LIPH: variants seen among roughly 807,000 people sequenced by gnomAD.
LIPH encodes lipase member H.
In LIPH, 32 loss-of-function variants were observed where a neutral mutation model predicts 47.6. The ratio of observed to expected loss-of-function variants is 0.67; its 90% CI spans 0.51 to 0.90. LIPH has a LOEUF of 0.90. Among genes scored for constraint, LIPH ranks in the 40% least tolerant of loss-of-function variants. LIPH has a pLI of 0.00. For synonymous variants in LIPH, 190 were observed against 195.6 expected, an observed-to-expected ratio of 0.97 and a Z score of 0.24; for missense variants, 497 against 541.4, an observed-to-expected ratio of 0.92 and a Z score of 0.81.
intron 1 of LIPH, among the ~76,000 whole-genome samples, chr3:185,549,811 C>T (rs955179727): frequency 1.3e-5 from 2 of 152,114 alleles, no homozygotes; most frequent in Non-Finnish European, 2.9e-5. Context: ...CCTCCCACCT[C>T]GGCCTCCCCA....
At chr3:185,528,088 G>A (rs1469807484) in intron 3 of LIPH, among the ~76,000 whole-genome samples, 2 of 151,772 alleles carry the variant, frequency 1.3e-5, no homozygotes, top group Non-Finnish European at 2.9e-5. Flanking sequence ...GCTGGACGTG[G>A]TGGTGTGTGC....
At chr3:185,540,587 G>T (rs553975966) in intron 1 of LIPH, among the ~76,000 whole-genome samples, 1 of 151,930 alleles carries the variant, frequency 6.6e-6, no homozygotes, top group African/African-American at 2.4e-5. Flanking sequence ...GCATGGTGGC[G>T]TGCGCCTGTA....
chr3:185,529,905 GA>G (rs1281342189), intron 3 of LIPH, among the ~76,000 whole-genome samples: 4 of 118,418 alleles, frequency 3.4e-5, no homozygotes, highest in South Asian at 2.6e-4. Context: ...AAGAGAGAAA[GA>G]AAAGAAAGAA....
intron 5 of LIPH, among the ~76,000 whole-genome samples, chr3:185,522,650 AAAAGAAAGAAAG>A (rs59353669): frequency 0.054 from 7,668 of 141,904 alleles, 293 homozygotes; most frequent in Middle Eastern, 0.12. Flanking sequence ...GAGAGAAAGA[AAAAGAAAGAAAG>A]AAAGAAAGAA....
intron 6 of LIPH, among the ~76,000 whole-genome samples, chr3:185,517,634 C>T (rs1375555849): frequency 6.6e-6 from 1 of 152,070 alleles, no homozygotes; most frequent in Non-Finnish European, 1.5e-5. Flanking sequence ...GGTGAGTGTC[C>T]TCCTTTGTTT....
chr3:185,519,383 C>T, intron 5 of LIPH, 74 bp from the exon 6 acceptor site: 1 of 905,814 alleles, frequency 1.1e-6, no homozygotes, highest in Non-Finnish European at 1.9e-6. Flanking sequence ...ATATTCTATA[C>T]ACACACAATT....
chr3:185,516,762 A>C (rs1479326169), intron 7 of LIPH, among the ~76,000 whole-genome samples: 1 of 152,154 alleles, frequency 6.6e-6, no homozygotes, highest in Non-Finnish European at 1.5e-5. Context: ...AACAACTCTG[A>C]TTTGTTGAGA....
chr3:185,532,569 CA>C (rs750815896), intron 3 of LIPH, among the ~76,000 whole-genome samples: 4 of 151,712 alleles, frequency 2.6e-5, no homozygotes, highest in Non-Finnish European at 5.9e-5. Flanking sequence ...ATGGGTGGAT[CA>C]CCTGAGGTCA....
chr3:185,540,989 G>T (rs940400040), intron 1 of LIPH, among the ~76,000 whole-genome samples: 1 of 152,130 alleles, frequency 6.6e-6, no homozygotes, highest in Non-Finnish European at 1.5e-5. Context: ...CTCTACTCTT[G>T]TCCTGGCGTT....
At chr3:185,531,970 G>T (rs1443310496) in intron 3 of LIPH, among the ~76,000 whole-genome samples, 2 of 152,082 alleles carry the variant, frequency 1.3e-5, no homozygotes, top group Non-Finnish European at 2.9e-5. Flanking sequence ...CTCCCAAAGT[G>T]CTGGGATTAC....
At chr3:185,523,953 C>G in intron 5 of LIPH, 118 bp downstream of exon 5, 1 of 692,154 alleles carries the variant, frequency 1.4e-6, no homozygotes, top group Non-Finnish European at 2.7e-6. Context: ...AACTCCTGAC[C>G]TCAGGTGATC....
intron 2 of LIPH, 21 bp downstream of exon 2, chr3:185,534,744 C>T: frequency 6.2e-7 from 1 of 1,611,880 alleles, no homozygotes; most frequent in East Asian, 2.2e-5. Context: ...AGCTCTGAAT[C>T]ATCTAAGAGA....
intron 1 of LIPH, among the ~76,000 whole-genome samples, chr3:185,548,449 C>A (rs1386921492): frequency 6.6e-6 from 1 of 151,252 alleles, no homozygotes; most frequent in African/African-American, 2.4e-5. Flanking sequence ...CATCCTAGGT[C>A]AAGCACGGTG....
intron 7 of LIPH, among the ~76,000 whole-genome samples, chr3:185,515,117 A>T (rs937674263): frequency 6.6e-6 from 1 of 152,128 alleles, no homozygotes; most frequent in African/African-American, 2.4e-5. Flanking sequence ...CCTTTCTTGA[A>T]GTTCCTGCCA....
intron 1 of LIPH, among the ~76,000 whole-genome samples, chr3:185,538,278 AAGAATCTACTCTATCCT>A (rs1335487764): frequency 2.0e-5 from 3 of 152,196 alleles, no homozygotes. Flanking sequence ...TTCATTCCAA[AAGAATCTACTCTATCCT>A]AGATTCTATG....
At chr3:185,546,329 G>A (rs1244664339) in intron 1 of LIPH, among the ~76,000 whole-genome samples, 3 of 145,224 alleles carry the variant, frequency 2.1e-5, no homozygotes, top group African/African-American at 7.7e-5. Flanking sequence ...TCTTAGCCTG[G>A]ACGACAGAGT....
chr3:185,509,852 T>G (rs573612964), intron 9 of LIPH, among the ~76,000 whole-genome samples: 1 of 152,220 alleles, frequency 6.6e-6, no homozygotes, highest in African/African-American at 2.4e-5. Context: ...GCAAAAAAAG[T>G]ATTAAAAAGT....
intron 1 of LIPH, among the ~76,000 whole-genome samples, chr3:185,541,424 A>G (rs940713477): frequency 3.1e-5 from 4 of 129,968 alleles, no homozygotes; most frequent in African/African-American, 1.2e-4. Context: ...TTGTTTGTTG[A>G]GACAGGGTCT....
rs756505201 is a variant in LIPH at position 185,517,055 on chromosome 3, T to A, written c.982+12A>T. The A allele has an allele frequency of 8.9e-6, 14 of 1,572,194 alleles. 1 individual carries two copies. In the South Asian group the frequency reaches 1.4e-4, roughly 16 times the overall value. ...AGTTAGGCAAAAGCCAACAACCACA[T>A]TCACCACTCACTGCAGAATGGGCTC... On this transcript the variant is annotated intron_variant, in intron 7 of 9. Coordinates refer to ENST00000296252, the MANE Select transcript of LIPH (RefSeq NM_139248.3).
Sources: allele counts gnomAD v4.1 joint callset (sites outside exome capture counted in the v4.1 genomes callset), GRCh38; gene constraint gnomAD v4.1.1; transcripts MANE v1.5; gene names NCBI Gene and HGNC (gene_info 2026-07-23, HGNC 2026-07-21).